The following SAMD3 variants were observed in gnomAD, a reference collection of about 807,000 sequenced individuals.
SAMD3 encodes sterile alpha motif domain containing 3.
Under a neutral mutation model 58.5 loss-of-function variants are expected in SAMD3, and 63 were observed. That is an observed-to-expected ratio of 1.08 (90% CI 0.88 to 1.33). The LOEUF (loss-of-function observed/expected upper bound fraction) is 1.33, where lower values mean the gene tolerates loss of function less well. SAMD3 is among the 40% of genes most tolerant of loss of function. The probability of loss-of-function intolerance (pLI) is 0.00; values close to 1 mark genes in which losing one functional copy is unlikely to be tolerated. For synonymous variants in SAMD3, 220 were observed against 210.3 expected (o/e 1.05, Z -0.40); for missense variants, 604 against 608.4 (o/e 0.99, Z 0.08).
intron 1 of SAMD3, among the ~76,000 whole-genome samples, chr6:130,350,740 C>A (rs1777628141): frequency 6.6e-6 from 1 of 152,092 alleles, no homozygotes; most frequent in Admixed American, 6.5e-5. Flanking sequence ...TCATATGGAA[C>A]CAAAAAAGAG....
chr6:130,277,152 C>T (rs1474419863), intron 2 of SAMD3, among the ~76,000 whole-genome samples: 2 of 152,220 alleles, frequency 1.3e-5, no homozygotes, highest in East Asian at 3.9e-4. Flanking sequence ...GGCTTGTTCT[C>T]ATTTAACTCT....
chr6:130,210,361 G>C (rs1363636064), intron 4 of SAMD3, among the ~76,000 whole-genome samples: 1 of 152,196 alleles, frequency 6.6e-6, no homozygotes, highest in Non-Finnish European at 1.5e-5. Context: ...CATTTTGGGA[G>C]GCTGAGGCAG....
At chr6:130,362,628 C>T (rs1583158185) in intron 1 of SAMD3, among the ~76,000 whole-genome samples, 2 of 152,184 alleles carry the variant, frequency 1.3e-5, no homozygotes, top group Admixed American at 1.3e-4. Flanking sequence ...GCTGCCAGTG[C>T]CCCTCAGGCA....
chr6:130,364,846 T>C (rs1026510411), intron 1 of SAMD3, among the ~76,000 whole-genome samples: 3 of 151,946 alleles, frequency 2.0e-5, no homozygotes, highest in African/African-American at 7.2e-5. Context: ...TTTAAAGACT[T>C]TTTTTTCTAA....
At chr6:130,205,029 A>G (rs373587561) in intron 5 of SAMD3, among the ~76,000 whole-genome samples, 8 of 152,008 alleles carry the variant, frequency 5.3e-5, no homozygotes, top group African/African-American at 1.9e-4. Context: ...AAAAGCTGGC[A>G]CTTGTTCCCC....
intron 2 of SAMD3, among the ~76,000 whole-genome samples, chr6:130,294,909 A>AT (rs774036634): frequency 0.033 from 1,829 of 55,726 alleles, 197 homozygotes; most frequent in Non-Finnish European, 0.047. Context: ...CATTTCTCTG[A>AT]TTTTTTTTTT....
chr6:130,273,602 G>C (rs1438720903), intron 2 of SAMD3, among the ~76,000 whole-genome samples: 1 of 127,704 alleles, frequency 7.8e-6, no homozygotes, highest in African/African-American at 3.0e-5. Context: ...GCATTTTATT[G>C]ATTTTTTTTG....
chr6:130,262,121 A>G (rs1774163001), intron 2 of SAMD3, among the ~76,000 whole-genome samples: 1 of 152,148 alleles, frequency 6.6e-6, no homozygotes, highest in Non-Finnish European at 1.5e-5. Flanking sequence ...AAAACCTGTA[A>G]TTGATAATTG....
At chr6:130,236,636 C>T (rs1459245402) in intron 2 of SAMD3, among the ~76,000 whole-genome samples, 6 of 152,140 alleles carry the variant, frequency 3.9e-5, no homozygotes, top group South Asian at 2.1e-4. Flanking sequence ...CCCATCATGG[C>T]CTCTCAAAGT....
chr6:130,340,735 C>A (rs1217015627), intron 1 of SAMD3, among the ~76,000 whole-genome samples: 4 of 152,114 alleles, frequency 2.6e-5, no homozygotes. Flanking sequence ...AGGTCTGATC[C>A]AATTGGATAT....
intron 2 of SAMD3, among the ~76,000 whole-genome samples, chr6:130,261,441 C>A (rs1235702358): frequency 1.3e-5 from 2 of 152,184 alleles, no homozygotes; most frequent in African/African-American, 4.8e-5. Context: ...CCTGTACCAG[C>A]ACTTTGGTTT....
chr6:130,302,428 C>CTTTTTTTTGCCA (rs1333658198), intron 2 of SAMD3, among the ~76,000 whole-genome samples: 1 of 152,090 alleles, frequency 6.6e-6, no homozygotes, highest in African/African-American at 2.4e-5. Context: ...TCAAAAATAA[C>CTTTTTTTTGCCA]AGATATTGGC....
In SAMD3 at chr6:130,350,061, G is replaced by A. The variant is rs187388390; in HGVS notation, c.-304+15059C>T. Among the ~76,000 whole-genome samples the A allele has an allele frequency of 2.4e-4, 36 of 152,302 alleles. 2 individuals carry two copies. Among genetic ancestry groups the A allele is most frequent in the African/African-American group, 8.7e-4 (36 of 41,562 alleles). On this transcript the variant is annotated intron_variant, in intron 1 of 13. Coordinates refer to the SAMD3 transcript ENST00000368134. ...AACTCTCAATAAATTAGGTATTGAT[G>A]TGATGTATCTCAAAATAATAAGAGC... is the stretch of plus-strand genomic sequence containing the variant.
intron 2 of SAMD3, among the ~76,000 whole-genome samples, chr6:130,254,892 T>C (rs1373796986): frequency 6.6e-6 from 1 of 152,194 alleles, no homozygotes; most frequent in Non-Finnish European, 1.5e-5. Flanking sequence ...AGGTGTACAG[T>C]TGTTTATTTT....
At chr6:130,295,992 C>G (rs904324579) in intron 2 of SAMD3, among the ~76,000 whole-genome samples, 3 of 152,188 alleles carry the variant, frequency 2.0e-5, no homozygotes, top group African/African-American at 7.2e-5. Context: ...TCTCTTTCTC[C>G]TGCCTTGCCT....
At chr6:130,343,791 C>T (rs1777350272) in intron 1 of SAMD3, among the ~76,000 whole-genome samples, 1 of 151,974 alleles carries the variant, frequency 6.6e-6, no homozygotes, top group Non-Finnish European at 1.5e-5. Flanking sequence ...ATGGCGAAAC[C>T]CTGTCTCTAC....
In SAMD3 at chr6:130,305,744, A is replaced by G. The variant is rs138133096; in HGVS notation, c.-188+7234T>C. Among the ~76,000 whole-genome samples, 6 of 152,356 alleles carry G rather than the reference A, an allele frequency of 3.9e-5. No individual in the cohort carries two copies. In the East Asian group the frequency reaches 1.2e-3, roughly 29 times the overall value. On this transcript the variant is annotated intron_variant, in intron 2 of 13. Transcript: ENST00000368134. ...TATTCAAACAACCTTGAAATCTTGG[A>G]ATAAATACAACTTGGCAATCTCATC...
intron 2 of SAMD3, among the ~76,000 whole-genome samples, chr6:130,244,888 A>G (rs1392550001): frequency 6.6e-6 from 1 of 152,224 alleles, no homozygotes; most frequent in Non-Finnish European, 1.5e-5. Flanking sequence ...CTGGGCCCCT[A>G]GTGATCCCTC....
At chr6:130,273,535 G>T (rs1423269998) in intron 2 of SAMD3, among the ~76,000 whole-genome samples, 4 of 151,776 alleles carry the variant, frequency 2.6e-5, no homozygotes, top group Non-Finnish European at 5.9e-5. Flanking sequence ...TTGCCGTTTT[G>T]TTGTTTCCTG....
Sources: allele counts gnomAD v4.1 joint callset (sites outside exome capture counted in the v4.1 genomes callset), GRCh38; gene constraint gnomAD v4.1.1; transcripts MANE v1.5; gene names NCBI Gene and HGNC (gene_info 2026-07-23, HGNC 2026-07-21).